TTC39C: variants seen among roughly 807,000 people sequenced by gnomAD.
TTC39C encodes tetratricopeptide repeat domain 39C.
Under a neutral mutation model 76.3 loss-of-function variants are expected in TTC39C, and 33 were observed. The observed-to-expected ratio is 0.43, with a 90% confidence interval of 0.33 to 0.58. The LOEUF (loss-of-function observed/expected upper bound fraction) is 0.58. Ranked by LOEUF, TTC39C falls within the 20% of genes least tolerant of loss-of-function variation. The pLI, the probability that TTC39C is intolerant of heterozygous loss-of-function variation, is 0.04. For synonymous variants in TTC39C, 254 were observed against 260.6 expected, an observed-to-expected ratio of 0.97 and a Z score of 0.24; for missense variants, 595 against 701.4, an observed-to-expected ratio of 0.85 and a Z score of 1.71.
At chr18:24,130,204 C>T in intron 11 of TTC39C, 109 bp from the exon 12 acceptor site, 1 of 516,042 alleles carries the variant, frequency 1.9e-6, no homozygotes, top group Non-Finnish European at 3.5e-6. Context: ...AAAATCTGAT[C>T]TAGAAAACAG....
chr18:24,020,388 C>T (rs1332202172), intron 1 of TTC39C: 1 of 813,086 alleles, frequency 1.2e-6, no homozygotes, highest in Non-Finnish European at 1.5e-6. Flanking sequence ...TAGTGTAAGT[C>T]TCTGTAAGTG....
chr18:24,129,568 G>A (rs1376774907), intron 11 of TTC39C, among the ~76,000 whole-genome samples: 5 of 152,078 alleles, frequency 3.3e-5, no homozygotes, highest in Non-Finnish European at 5.9e-5. Flanking sequence ...GAGGTCAGGA[G>A]TTTGAGACCA....
intron 1 of TTC39C, among the ~76,000 whole-genome samples, chr18:23,999,203 G>T (rs2083292879): frequency 6.6e-6 from 1 of 152,130 alleles, no homozygotes; most frequent in Non-Finnish European, 1.5e-5. Flanking sequence ...AAGCCTTCCT[G>T]CAAGGCTCCT....
At chr18:24,082,504 C>T (rs2084389703) in intron 5 of TTC39C, among the ~76,000 whole-genome samples, 1 of 151,984 alleles carries the variant, frequency 6.6e-6, no homozygotes, top group Non-Finnish European at 1.5e-5. Flanking sequence ...TTTCCTTTTG[C>T]CAAAAATAAA....
At chr18:24,096,639 C>T (rs577816764) in intron 6 of TTC39C, among the ~76,000 whole-genome samples, 5 of 152,084 alleles carry the variant, frequency 3.3e-5, no homozygotes, top group African/African-American at 7.2e-5. Flanking sequence ...GCGTTTGTTT[C>T]GAGGGTATTT....
chr18:23,998,467 G>C (rs369618669), intron 1 of TTC39C, among the ~76,000 whole-genome samples: 1 of 152,102 alleles, frequency 6.6e-6, no homozygotes, highest in Non-Finnish European at 1.5e-5. Flanking sequence ...AAAATTAGCC[G>C]AGTGTGATGG....
In TTC39C at chr18:24,114,574, G is replaced by C. The variant is rs1261262121; in HGVS notation, c.1005G>C (p.Leu335Phe). 2 of 1,613,890 alleles carry C rather than the reference G, an allele frequency of 1.2e-6. No homozygotes were observed. The highest frequency in any genetic ancestry group is 1.7e-6 in the Non-Finnish European group (2 of 1,179,950). The change falls in exon 7 of 14, where the codon TTG (leucine) becomes TTC (phenylalanine). Residue 335 changes from leucine to phenylalanine, a missense_variant. Leu to Phe is a conservative substitution (Grantham distance 22, BLOSUM62 0). Transcript: ENST00000317571. ...QRLECQINSA[L>F]TSFHTALELA... ...CTTAGTGTCAAATCAACAGTGCCTTGACATCTTTCCACACTGCTTTGGAAC... is the reference window on the plus strand; with the variant it reads ...CTTAGTGTCAAATCAACAGTGCCTTCACATCTTTCCACACTGCTTTGGAAC...
intron 1 of TTC39C, among the ~76,000 whole-genome samples, chr18:24,024,450 A>G (rs2083572965): frequency 6.6e-6 from 1 of 152,170 alleles, no homozygotes; most frequent in Non-Finnish European, 1.5e-5. Flanking sequence ...GAGGAGAGAA[A>G]AGAGCAGGTA....
intron 8 of TTC39C, chr18:24,121,105 T>G (rs959630104): frequency 2.0e-5 from 3 of 152,238 alleles, no homozygotes; most frequent in African/African-American, 7.2e-5. Context: ...GCAACTTTTC[T>G]GTAAGTTTGA....
At chr18:24,110,506 A>T (rs2084796056) in intron 6 of TTC39C, among the ~76,000 whole-genome samples, 1 of 152,188 alleles carries the variant, frequency 6.6e-6, no homozygotes, top group African/African-American at 2.4e-5. Context: ...TATATATATG[A>T]GAGAGAACTC....
At chr18:24,086,605 C>A (rs2084442490) in intron 6 of TTC39C, among the ~76,000 whole-genome samples, 2 of 152,056 alleles carry the variant, frequency 1.3e-5, no homozygotes, top group South Asian at 4.2e-4. Context: ...CCGTTTGCAC[C>A]CCAGCTGGTG....
rs572848039 is a variant in TTC39C, at chr18:24,053,699, G to A, written c.168-10441G>A. ...AGATATAGAACAGTAAAAATGAGCC[G>A]ATAGCCCAGGAACCACAAGTACAGA... On this transcript the variant is annotated intron_variant, in intron 1 of 13. Transcript: ENST00000317571. Among the ~76,000 whole-genome samples the A allele has an allele frequency of 2.8e-4, 42 of 152,302 alleles. No individual in the cohort carries two copies. The East Asian group carries it at 5.0e-3, about 18-fold the overall frequency.
chr18:24,129,774 A>T (rs1340792083), intron 11 of TTC39C, among the ~76,000 whole-genome samples: 1 of 404 alleles, frequency 2.5e-3, no homozygotes, highest in Non-Finnish European at 0.014. Context: ...ACTCCATCTC[A>T]AAAAAAAAAA....
At chr18:24,037,435 G>A (rs1365676773) in intron 1 of TTC39C, among the ~76,000 whole-genome samples, 1 of 152,176 alleles carries the variant, frequency 6.6e-6, no homozygotes, top group Non-Finnish European at 1.5e-5. Flanking sequence ...ATGTATGAAT[G>A]ATTCTTACTT....
chr18:24,111,442 G>A (rs531243937), intron 6 of TTC39C, among the ~76,000 whole-genome samples: 15 of 151,832 alleles, frequency 9.9e-5, no homozygotes, highest in Non-Finnish European at 1.6e-4. Context: ...AGTGGCACAT[G>A]CCTGTAGTCC....
At chr18:23,997,670 GAAA>G (rs1568398769) in intron 1 of TTC39C, among the ~76,000 whole-genome samples, 14 of 81,112 alleles carry the variant, frequency 1.7e-4, no homozygotes, top group African/African-American at 3.4e-4. Flanking sequence ...AAGAAAGAAA[GAAA>G]GAAAGAAAGA....
At chr18:24,015,089 C>A in intron 1 of TTC39C, 51 bp downstream of exon 1, 1 of 1,359,598 alleles carries the variant, frequency 7.4e-7, no homozygotes, top group Non-Finnish European at 9.6e-7. Context: ...ACCTCGTGTC[C>A]GGCTCACGCG....
Position 24,134,278 on chromosome 18 carries a change from T to TG in TTC39C, c.*1704_*1705insG, listed in dbSNP as rs1299156679. On this transcript the variant is annotated 3_prime_UTR_variant, in exon 14 of 14. Coordinates refer to ENST00000317571, the MANE Select transcript of TTC39C (RefSeq NM_001135993.2). ...ATCTGTTTTTTGTTTTTTTTTTTTT[T>TG]TTTTTTTTTTTTTGAGACGGAGTCT... 1.5e-5 allele frequency: 2 copies of TG among 135,132 alleles called. No homozygotes were observed. Among genetic ancestry groups the TG allele is most frequent in the Non-Finnish European group, 3.2e-5 (2 of 63,276 alleles). 8.4% of individuals were successfully genotyped at this position (135,132 alleles called of 1,614,324 possible).
intron 7 of TTC39C, among the ~76,000 whole-genome samples, chr18:24,116,595 A>G (rs1366533647): frequency 6.6e-6 from 1 of 152,174 alleles, no homozygotes; most frequent in Admixed American, 6.5e-5. Context: ...ATCACATCCC[A>G]TAGAATTTGA....
Sources: gnomAD v4.1 joint callset for allele counts (sites outside exome capture counted in the v4.1 genomes callset) on GRCh38, gnomAD v4.1.1 for gene constraint, MANE v1.5 for transcripts, NCBI Gene and HGNC (gene_info 2026-07-23, HGNC 2026-07-21) for gene names.